NOS1AP: variants seen among roughly 807,000 people sequenced by gnomAD.
The protein encoded by NOS1AP is nitric oxide synthase 1 adaptor protein, also known as carboxyl-terminal PDZ ligand of neuronal nitric oxide synthase protein.
A neutral mutation model predicts 56.2 loss-of-function variants in NOS1AP; 21 were observed. The ratio of observed to expected loss-of-function variants is 0.37; its 90% CI spans 0.26 to 0.54. The LOEUF (loss-of-function observed/expected upper bound fraction) is 0.54, where lower values mean the gene tolerates loss of function less well. Among genes scored for constraint, NOS1AP ranks in the 20% least tolerant of loss-of-function variants. NOS1AP has a pLI of 0.84. For synonymous variants in NOS1AP, 270 were observed against 274.6 expected, an observed-to-expected ratio of 0.98 and a Z score of 0.17; for missense variants, 522 against 657.8, an observed-to-expected ratio of 0.79 and a Z score of 2.26.
Position 162,355,369 on chromosome 1 carries a change from C to G in NOS1AP, c.762+16C>G. ...AGGCTCCAAGGTAGGCAAGAGATGGCCCATCTGTGTGATCTGCACACGTGT... is the reference window on the plus strand; with the variant it reads ...AGGCTCCAAGGTAGGCAAGAGATGGGCCATCTGTGTGATCTGCACACGTGT... On this transcript the variant is annotated intron_variant, in intron 7 of 9. Coordinates refer to ENST00000361897, the MANE Select transcript of NOS1AP (RefSeq NM_014697.3). 6.2e-7 allele frequency: 1 copy of G among 1,613,872 alleles called. No homozygotes were observed. Among genetic ancestry groups the G allele is most frequent in the Non-Finnish European group, 8.5e-7 (1 of 1,179,936 alleles).
intron 2 of NOS1AP, among the ~76,000 whole-genome samples, chr1:162,282,124 A>G (rs1654952760): frequency 6.6e-6 from 1 of 152,184 alleles, no homozygotes; most frequent in Non-Finnish European, 1.5e-5. Context: ...TACCATTTTA[A>G]CCCTTTTTAA....
chr1:162,162,563 G>T (rs1650271208), intron 2 of NOS1AP, among the ~76,000 whole-genome samples: 1 of 152,190 alleles, frequency 6.6e-6, no homozygotes, highest in South Asian at 2.1e-4. Context: ...AAACCCAAGA[G>T]AACTTGGGGC....
chr1:162,163,553 C>A (rs10918796), intron 2 of NOS1AP, among the ~76,000 whole-genome samples: 67,164 of 151,908 alleles, frequency 0.44, 18,285 homozygotes, highest in Non-Finnish European at 0.61. Flanking sequence ...CAGACTGTTG[C>A]GGAAGGCTTC....
chr1:162,105,295 G>A (rs1571014193), intron 1 of NOS1AP, among the ~76,000 whole-genome samples: 2 of 152,314 alleles, frequency 1.3e-5, no homozygotes, highest in East Asian at 3.9e-4. Context: ...TCTGTCCTAG[G>A]AGGGCATTGA....
chr1:162,341,524 C>T (rs1463001427), intron 5 of NOS1AP, among the ~76,000 whole-genome samples: 1 of 152,180 alleles, frequency 6.6e-6, no homozygotes, highest in African/African-American at 2.4e-5. Flanking sequence ...CAACCTAAAA[C>T]ATTTACCTTT....
intron 2 of NOS1AP, among the ~76,000 whole-genome samples, chr1:162,179,956 G>A (rs1651193372): frequency 6.6e-6 from 1 of 152,178 alleles, no homozygotes; most frequent in Non-Finnish European, 1.5e-5. Flanking sequence ...CCATTTATTA[G>A]TGCTGGCTGC....
chr1:162,300,005 C>A (rs188247044), intron 3 of NOS1AP, among the ~76,000 whole-genome samples: 1 of 152,128 alleles, frequency 6.6e-6, no homozygotes, highest in Admixed American at 6.5e-5. Flanking sequence ...CGCTTTCCCC[C>A]CTCTTGAGTC....
In NOS1AP at chr1:162,367,726, A is replaced by G; in HGVS notation, c.*259A>G. Reference sequence around the variant, plus strand: ...GTGGAGGTAAGGCCTTCCAGAGCCCATGGCTTCAGGAGAGGGTCTCTCTCC... The same window carrying G: ...GTGGAGGTAAGGCCTTCCAGAGCCCGTGGCTTCAGGAGAGGGTCTCTCTCC... On this transcript the variant is annotated 3_prime_UTR_variant, in exon 10 of 10. Transcript: ENST00000361897. This position sits in a 1 kb window ranked among gnomAD's most constrained non-coding sequence, Gnocchi z 6.5. The G allele has an allele frequency of 2.0e-6, 1 of 504,090 alleles. No homozygotes were observed. Among genetic ancestry groups the G allele is most frequent in the Non-Finnish European group, 3.6e-6 (1 of 280,172 alleles). The allele number at this position is 504,090 out of a possible 1,614,324, so 31.2% of individuals were successfully genotyped here.
Position 162,197,373 on chromosome 1 carries a change from C to T in NOS1AP, c.177+42897C>T, listed in dbSNP as rs370293941. 1.6e-4 allele frequency among the ~76,000 whole-genome samples: 25 copies of T among 152,250 alleles called. 1 individual carries two copies. The South Asian group carries it at 3.7e-3, about 23-fold the overall frequency. On this transcript the variant is annotated intron_variant, in intron 2 of 9. Coordinates refer to ENST00000361897, the MANE Select transcript of NOS1AP (RefSeq NM_014697.3). ...TTCCTCATGCCCCGTGGAGGGCACA[C>T]GCATGATGGTGCTCTGCCGAGCCAG...
At chr1:162,246,030 C>T (rs891442124) in intron 2 of NOS1AP, among the ~76,000 whole-genome samples, 3 of 152,170 alleles carry the variant, frequency 2.0e-5, no homozygotes, top group African/African-American at 7.2e-5. Context: ...CTAAAGATGG[C>T]AGGCCAGGTG....
intron 7 of NOS1AP, among the ~76,000 whole-genome samples, chr1:162,356,533 T>G (rs1184863687): frequency 6.6e-6 from 1 of 152,152 alleles, no homozygotes; most frequent in Non-Finnish European, 1.5e-5. Flanking sequence ...GAGGGAGCCC[T>G]AAGGACACAG....
At chr1:162,313,521 T>C (rs1656120566) in intron 4 of NOS1AP, among the ~76,000 whole-genome samples, 2 of 152,230 alleles carry the variant, frequency 1.3e-5, no homozygotes, top group African/African-American at 4.8e-5. Context: ...ATGATGGCTT[T>C]GGCTCTGAGA....
At chr1:162,159,719 T>A (rs1446040646) in intron 2 of NOS1AP, among the ~76,000 whole-genome samples, 1 of 152,200 alleles carries the variant, frequency 6.6e-6, no homozygotes, top group Non-Finnish European at 1.5e-5. Context: ...TAAACATTTG[T>A]TGAGTGACTG....
chr1:162,098,271 T>C (rs1470569540), intron 1 of NOS1AP, among the ~76,000 whole-genome samples: 2 of 8,246 alleles, frequency 2.4e-4, no homozygotes, highest in Admixed American at 5.1e-3. Flanking sequence ...CATGCCCGGC[T>C]ATTGTTTGTA....
chr1:162,125,669 C>T (rs1174879386), intron 1 of NOS1AP, among the ~76,000 whole-genome samples: 3 of 152,152 alleles, frequency 2.0e-5, no homozygotes, highest in African/African-American at 7.2e-5. Context: ...GTTTTGGTTA[C>T]TATAGCCTTG....
At chr1:162,239,023 T>C (rs1653395857) in intron 2 of NOS1AP, among the ~76,000 whole-genome samples, 1 of 152,234 alleles carries the variant, frequency 6.6e-6, no homozygotes, top group African/African-American at 2.4e-5. Context: ...TACATTACAA[T>C]ATTAGTGAAT....
chr1:162,241,813 A>T (rs115071909), intron 2 of NOS1AP, among the ~76,000 whole-genome samples: 77 of 152,300 alleles, frequency 5.1e-4, no homozygotes, highest in African/African-American at 1.8e-3. Flanking sequence ...AACAAAGCAG[A>T]TTCACACTGA....
intron 2 of NOS1AP, among the ~76,000 whole-genome samples, chr1:162,229,506 C>A (rs1653050172): frequency 6.6e-6 from 1 of 151,596 alleles, no homozygotes; most frequent in African/African-American, 2.4e-5. Context: ...TTGTATCATC[C>A]TTTATTTTTA....
intron 1 of NOS1AP, among the ~76,000 whole-genome samples, chr1:162,084,007 A>G (rs1046209202): frequency 9.9e-5 from 15 of 152,216 alleles, no homozygotes; most frequent in Non-Finnish European, 2.9e-5. Flanking sequence ...GTTATTATGC[A>G]GTGCAACCTG....
Sources: allele counts gnomAD v4.1 joint callset (sites outside exome capture counted in the v4.1 genomes callset), GRCh38; gene constraint gnomAD v4.1.1; non-coding constraint Gnocchi (gnomAD v3.1); transcripts MANE v1.5; gene names NCBI Gene and HGNC (gene_info 2026-07-23, HGNC 2026-07-21).